The following RIN3 variants were observed in gnomAD, a reference collection of about 807,000 sequenced individuals.
The protein encoded by RIN3 is RAB5 interacting protein 3.
RIN3 carries 54 observed loss-of-function variants against 76.3 expected under a neutral mutation model. That is an observed-to-expected ratio of 0.71 (90% confidence interval 0.57 to 0.89). The LOEUF is 0.89. Among genes scored for constraint, RIN3 ranks in the 40% least tolerant of loss-of-function variants. RIN3 has a pLI of 0.00. For missense variants in RIN3, 1,256 were observed against 1,322.1 expected, an observed-to-expected ratio of 0.95 and a Z score of 0.78; for synonymous variants, 576 against 564.0, an observed-to-expected ratio of 1.02 and a Z score of -0.30.
At chr14:92,613,741 G>A (rs1041839139) in intron 3 of RIN3, among the ~76,000 whole-genome samples, 1 of 152,180 alleles carries the variant, frequency 6.6e-6, no homozygotes, top group Non-Finnish European at 1.5e-5. Flanking sequence ...AAGCCTCATT[G>A]TCTGTTCCAG....
At chr14:92,601,351 C>T (rs1012788419) in intron 3 of RIN3, among the ~76,000 whole-genome samples, 5 of 152,190 alleles carry the variant, frequency 3.3e-5, no homozygotes, top group African/African-American at 9.7e-5. Context: ...CCCAAGGCCA[C>T]GTCCTAGCCT....
At chr14:92,608,263 T>G (rs1484605542) in intron 3 of RIN3, among the ~76,000 whole-genome samples, 1 of 152,216 alleles carries the variant, frequency 6.6e-6, no homozygotes, top group Non-Finnish European at 1.5e-5. Context: ...ATGTTACCAC[T>G]GGGGGGAACT....
At chr14:92,651,407 G>C (rs1440282660) in intron 5 of RIN3, among the ~76,000 whole-genome samples, 175 bp from the exon 6 acceptor site, 2 of 150,720 alleles carry the variant, frequency 1.3e-5, no homozygotes, top group South Asian at 4.2e-4. Context: ...GGCAGGAAGT[G>C]GTGGGAGAGG....
At chr14:92,671,325 G>A (rs530200844) in intron 7 of RIN3, among the ~76,000 whole-genome samples, 4 of 152,114 alleles carry the variant, frequency 2.6e-5, no homozygotes, top group Admixed American at 6.6e-5. Context: ...GGTCCCAGGA[G>A]GGGGGGAACT....
intron 7 of RIN3, among the ~76,000 whole-genome samples, chr14:92,660,860 G>A (rs936248918): frequency 2.6e-5 from 4 of 152,208 alleles, no homozygotes; most frequent in Admixed American, 6.5e-5. Flanking sequence ...GCTCAATGAA[G>A]AGAATGCTGG....
intron 5 of RIN3, among the ~76,000 whole-genome samples, chr14:92,650,630 TTC>T (rs1887380940): frequency 6.6e-6 from 1 of 152,198 alleles, no homozygotes; most frequent in Non-Finnish European, 1.5e-5. Context: ...GGACCCTTGT[TTC>T]TCTCCAGGAG....
Position 92,615,403 on chromosome 14 carries a change from C to T in RIN3, c.368-4C>T. 1 of 1,613,908 alleles carries T rather than the reference C, an allele frequency of 6.2e-7. No individual in the cohort carries two copies. Among genetic ancestry groups the T allele is most frequent in the Non-Finnish European group, 8.5e-7 (1 of 1,179,824 alleles). On this transcript the variant is annotated splice_region_variant and splice_polypyrimidine_tract_variant and intron_variant, in intron 3 of 9. Coordinates refer to ENST00000216487, the MANE Select transcript of RIN3 (RefSeq NM_024832.5). ...CACCCAGGGCCCTTCTTGTGTCTCC[C>T]CAGTATTGTACCTGGAAGGCTCGGC...
intron 6 of RIN3, among the ~76,000 whole-genome samples, chr14:92,657,894 C>G (rs937809346): frequency 2.6e-5 from 4 of 152,174 alleles, no homozygotes; most frequent in African/African-American, 9.7e-5. Context: ...AGACCCAGCC[C>G]CGTGGGAGCA....
At chr14:92,615,588 G>A (rs1885928182) in intron 4 of RIN3, 109 bp downstream of exon 4, 2 of 920,746 alleles carry the variant, frequency 2.2e-6, no homozygotes, top group East Asian at 2.4e-5. Flanking sequence ...GAGGGGTGTG[G>A]CCCAGAGGAT....
intron 4 of RIN3, among the ~76,000 whole-genome samples, chr14:92,619,061 T>TA (rs1886075309): frequency 6.6e-6 from 1 of 152,208 alleles, no homozygotes; most frequent in East Asian, 1.9e-4. Context: ...AGCATATACT[T>TA]AGACATTAAC....
chr14:92,561,841 C>A (rs1306894087), intron 2 of RIN3, among the ~76,000 whole-genome samples: 2 of 152,108 alleles, frequency 1.3e-5, no homozygotes, highest in Non-Finnish European at 2.9e-5. Context: ...CACTACCATG[C>A]CCAGCTAATT....
In RIN3 at chr14:92,514,024, G is replaced by T; in HGVS notation, c.44+48G>T. ...TCCTCCCTCGCGATCCCCACGGCCC[G>T]CGTCCTGGCCGCCCCACTCCACTTC... On this transcript the variant is annotated intron_variant, in intron 1 of 9. Coordinates refer to ENST00000216487, the MANE Select transcript of RIN3 (RefSeq NM_024832.5). The surrounding 1 kb of genome is among the most constrained non-coding windows in gnomAD (Gnocchi z 7.2). 3 of 1,176,550 alleles carry T rather than the reference G, an allele frequency of 2.5e-6. No homozygotes were observed. The highest frequency in any genetic ancestry group is 2.1e-6 in the Non-Finnish European group (2 of 935,638). The allele number at this position is 1,176,550 out of a possible 1,614,324, so 72.9% of individuals were successfully genotyped here.
intron 1 of RIN3, among the ~76,000 whole-genome samples, chr14:92,555,494 A>G (rs1897550906): frequency 6.6e-6 from 1 of 152,008 alleles, no homozygotes; most frequent in Non-Finnish European, 1.5e-5. Context: ...ATCCCAACAC[A>G]CACAGGCTGG....
Position 92,652,547 on chromosome 14 carries a change from G to C in RIN3, c.1498G>C (p.Glu500Gln). Reference sequence around the variant, plus strand: ...GACACCCACGCCGGGTCCACCCAGAGAGGGCCAAAGCCCTGCTTCTCAGGC... The same window carrying C: ...GACACCCACGCCGGGTCCACCCAGACAGGGCCAAAGCCCTGCTTCTCAGGC... ...LETPTPGPPR[E>Q]GQSPASQAGT... is the part of the protein sequence containing the mutation. Residue 500 changes from glutamate (E) to glutamine (Q), a missense_variant, in exon 6 of 10, where the codon GAG becomes CAG. Glu to Gln is a conservative substitution (Grantham distance 29). Transcript: ENST00000216487. This position sits in a 1 kb window ranked among gnomAD's most constrained non-coding sequence, Gnocchi z 6.4. The C allele has an allele frequency of 3.1e-6, 5 of 1,613,434 alleles. No homozygotes were observed. Among genetic ancestry groups the C allele is most frequent in the Non-Finnish European group, 4.2e-6 (5 of 1,179,910 alleles).
intron 7 of RIN3, among the ~76,000 whole-genome samples, chr14:92,664,726 G>C (rs1001326447): frequency 2.6e-5 from 4 of 151,974 alleles, no homozygotes; most frequent in African/African-American, 7.3e-5. Context: ...ATAGCGTAAG[G>C]GTAACTTACA....
At chr14:92,670,457 T>C (rs7141521) in intron 7 of RIN3, among the ~76,000 whole-genome samples, 30,536 of 152,072 alleles carry the variant, frequency 0.2, 3,619 homozygotes, top group African/African-American at 0.32. Flanking sequence ...TTCCTGAGGC[T>C]CCGATGTGCT....
chr14:92,619,797 GT>G (rs982251213), intron 4 of RIN3, among the ~76,000 whole-genome samples: 2 of 152,148 alleles, frequency 1.3e-5, no homozygotes, highest in African/African-American at 2.4e-5. Flanking sequence ...TTCTGATAAA[GT>G]TTGACTGTTT....
chr14:92,687,612 G>GGAATGAATGAAT (rs769566189), intron 9 of RIN3: 48 of 414,854 alleles, frequency 1.2e-4, no homozygotes, highest in African/African-American at 9.9e-4. Flanking sequence ...AGGGAGGGAG[G>GGAATGAATGAAT]GAATGAATGA....
chr14:92,573,153 A>G (rs1262312668), intron 2 of RIN3, among the ~76,000 whole-genome samples: 3 of 152,108 alleles, frequency 2.0e-5, no homozygotes, highest in Non-Finnish European at 4.4e-5. Context: ...AAGTGCTGGG[A>G]TTACAGGCAT....
Sources: gnomAD v4.1 joint callset for allele counts (sites outside exome capture counted in the v4.1 genomes callset) on GRCh38, gnomAD v4.1.1 for gene constraint, Gnocchi (gnomAD v3.1) non-coding constraint, MANE v1.5 for transcripts, NCBI Gene and HGNC (gene_info 2026-07-23, HGNC 2026-07-21) for gene names.